CRHR2: variants seen among roughly 807,000 people sequenced by gnomAD.
The protein encoded by CRHR2 is corticotropin releasing hormone receptor 2.
CRHR2 carries 53 observed loss-of-function variants against 57.9 expected under a neutral mutation model. The ratio of observed to expected loss-of-function variants is 0.92; its 90% CI spans 0.73 to 1.15. CRHR2 has a LOEUF of 1.15. Among genes scored for constraint, CRHR2 ranks in the 50% most tolerant of loss-of-function variants. CRHR2 has a pLI of 0.00. For missense variants in CRHR2, 532 were observed against 542.6 expected (o/e 0.98, Z 0.19); for synonymous variants, 213 against 220.9 (o/e 0.96, Z 0.32).
At chr7:30,696,165 G>C (rs1027506095) in intron 1 of CRHR2, among the ~76,000 whole-genome samples, 3 of 151,540 alleles carry the variant, frequency 2.0e-5, no homozygotes, top group Non-Finnish European at 4.4e-5. Flanking sequence ...GTAGGGGATG[G>C]GCTAACAGGT....
chr7:30,663,616 C>T (rs759833527), intron 5 of CRHR2, among the ~76,000 whole-genome samples: 31 of 152,310 alleles, frequency 2.0e-4, no homozygotes, highest in Non-Finnish European at 3.2e-4. Flanking sequence ...GGCCACCCTT[C>T]CCCAGGCACC....
upstream of CRHR2, among the ~76,000 whole-genome samples, chr7:30,683,220 C>A (rs946076017): frequency 6.6e-6 from 1 of 152,146 alleles, no homozygotes; most frequent in Non-Finnish European, 1.5e-5. Flanking sequence ...ATCTGGAAGG[C>A]TTTATACACC....
At chr7:30,675,613 A>T (rs1320053491) in intron 2 of CRHR2, among the ~76,000 whole-genome samples, 1 of 151,250 alleles carries the variant, frequency 6.6e-6, no homozygotes, top group Non-Finnish European at 1.5e-5. Flanking sequence ...TTCCGCTCCC[A>T]CCCTCCCTTC....
intron 1 of CRHR2, among the ~76,000 whole-genome samples, chr7:30,690,960 G>T (rs1171997314): frequency 6.6e-6 from 1 of 152,218 alleles, no homozygotes; most frequent in East Asian, 1.9e-4. Flanking sequence ...CTCTTGGCCT[G>T]CAGGACAAAC....
chr7:30,660,491 CT>C, intron 8 of CRHR2, 81 bp downstream of exon 8: 1 of 1,426,134 alleles, frequency 7.0e-7, no homozygotes. Flanking sequence ...CATGCCACAT[CT>C]TTCCCAGCGT....
At chr7:30,666,695 T>C (rs546128694) in intron 3 of CRHR2, among the ~76,000 whole-genome samples, 4 of 152,360 alleles carry the variant, frequency 2.6e-5, no homozygotes, top group East Asian at 3.9e-4. Flanking sequence ...GATGTATCCT[T>C]TCAGGTCAGG....
upstream of CRHR2, chr7:30,686,238 G>A (rs1784853402): frequency 8.8e-7 from 1 of 1,139,088 alleles, no homozygotes; most frequent in South Asian, 2.4e-5. Context: ...GCTGGCCTAT[G>A]TCACATCCAG....
chr7:30,664,302 A>G (rs1478869286), intron 5 of CRHR2, among the ~76,000 whole-genome samples: 2 of 152,260 alleles, frequency 1.3e-5, no homozygotes, highest in Non-Finnish European at 2.9e-5. Flanking sequence ...GCTTGGACAC[A>G]GTACACAGCA....
chr7:30,655,175 G>A (rs903438052), intron 10 of CRHR2, 95 bp from the exon 11 acceptor site: 12 of 1,282,634 alleles, frequency 9.4e-6, no homozygotes, highest in East Asian at 7.6e-5. Context: ...GTGGGGGGGG[G>A]ACAATTTGAC....
intron 2 of CRHR2, among the ~76,000 whole-genome samples, chr7:30,688,307 A>G (rs947237077): frequency 2.6e-5 from 4 of 152,154 alleles, no homozygotes; most frequent in Non-Finnish European, 2.9e-5. Context: ...ATGGTGATGA[A>G]ATCAGCTTCT....
At position 30,660,626 on chromosome 7, in the gene CRHR2, G is replaced by A; in HGVS notation, c.778C>T (p.Pro260Ser). ...TAGATGTAGTCCACCAGGTCGCCAG[G>A]CTCCTTGCCAAACCAGCACCTGTGA... ...ENEQCWFGKEPGDLVDYIYQG... is the reference protein window; with the variant it reads ...ENEQCWFGKESGDLVDYIYQG... Residue 260 changes from proline to serine, a missense_variant, in exon 8 of 12, where the codon CCT (proline) becomes TCT (serine). Coordinates refer to ENST00000471646, the MANE Select transcript of CRHR2 (RefSeq NM_001883.5). 1 of 1,570,784 alleles carries A rather than the reference G, an allele frequency of 6.4e-7. No homozygotes were observed.
At chr7:30,694,437 A>G (rs973601932) in intron 1 of CRHR2, among the ~76,000 whole-genome samples, 10 of 152,218 alleles carry the variant, frequency 6.6e-5, no homozygotes, top group African/African-American at 2.4e-4. Context: ...GGGCCCCGAC[A>G]GGCCTCAAAG....
chr7:30,697,765 C>T (rs1300957927), intron 1 of CRHR2, among the ~76,000 whole-genome samples: 1 of 152,198 alleles, frequency 6.6e-6, no homozygotes, highest in Non-Finnish European at 1.5e-5. Context: ...TGGGGCCTTA[C>T]CCCCAACCTG....
intron 2 of CRHR2, among the ~76,000 whole-genome samples, chr7:30,688,098 T>C (rs1368042321): frequency 6.6e-6 from 1 of 152,162 alleles, no homozygotes; most frequent in Non-Finnish European, 1.5e-5. Flanking sequence ...GATGAGGTGA[T>C]TAAAGTAAAG....
intron 1 of CRHR2, among the ~76,000 whole-genome samples, chr7:30,699,465 T>A (rs1049892970): frequency 2.0e-5 from 3 of 149,308 alleles, no homozygotes; most frequent in African/African-American, 7.5e-5. Flanking sequence ...TCTCTGCGGG[T>A]CCCTGGGGGT....
intron 11 of CRHR2, among the ~76,000 whole-genome samples, chr7:30,654,313 T>C (rs1306507331): frequency 1.3e-5 from 2 of 152,202 alleles, no homozygotes; most frequent in African/African-American, 2.4e-5. Context: ...CTTCTTCTCA[T>C]CCAGCCCACA....
chr7:30,691,297 G>A (rs928270899), intron 1 of CRHR2, among the ~76,000 whole-genome samples: 2 of 152,224 alleles, frequency 1.3e-5, no homozygotes, highest in African/African-American at 4.8e-5. Flanking sequence ...GGAGGTCAGG[G>A]TACGGGCAAC....
rs572902875 is a variant in CRHR2, at chr7:30,679,313, C to T, written c.229+2602G>A. ...GGGAGTACTGCCCCATGGTTAATAGCGAGGGCTGTGGATTCACCTGCCTGC... is the reference window on the plus strand; with the variant it reads ...GGGAGTACTGCCCCATGGTTAATAGTGAGGGCTGTGGATTCACCTGCCTGC... On this transcript the variant is annotated intron_variant, in intron 2 of 11. Transcript: ENST00000471646. Among the ~76,000 whole-genome samples, 2 of 152,318 alleles carry T rather than the reference C, an allele frequency of 1.3e-5. 1 individual carries two copies. Among genetic ancestry groups the T allele is most frequent in the African/African-American group, 4.8e-5 (2 of 41,558 alleles).
intron 8 of CRHR2, 127 bp downstream of exon 8, chr7:30,660,446 G>T: frequency 1.1e-6 from 1 of 920,374 alleles, no homozygotes; most frequent in South Asian, 1.6e-5. Flanking sequence ...GACAGGGTAC[G>T]GGGGTGGCAT....
Sources: allele counts gnomAD v4.1 joint callset (sites outside exome capture counted in the v4.1 genomes callset), GRCh38; gene constraint gnomAD v4.1.1; transcripts MANE v1.5; gene names NCBI Gene and HGNC (gene_info 2026-07-23, HGNC 2026-07-21).